RANBP2: variants seen among roughly 807,000 people sequenced by gnomAD.
RANBP2 encodes RAN binding protein 2.
A neutral mutation model predicts 303.6 loss-of-function variants in RANBP2; 57 were observed. The observed-to-expected ratio is 0.19, with a 90% CI of 0.15 to 0.23. The LOEUF (loss-of-function observed/expected upper bound fraction) is 0.23. RANBP2 is among the 10% of genes least tolerant of loss of function. RANBP2 has a pLI of 1.00. For synonymous variants in RANBP2, 1,167 were observed against 1,301.5 expected, an observed-to-expected ratio of 0.90 and a Z score of 2.23; for missense variants, 3,138 against 3,780.8, an observed-to-expected ratio of 0.83 and a Z score of 4.46.
the RANBP2 span, among the ~76,000 whole-genome samples, chr2:108,799,592 A>G: frequency 6.6e-6 from 1 of 152,184 alleles, no homozygotes; most frequent in East Asian, 1.9e-4. Context: ...CAGTTTATTT[A>G]CAGTGTTTCT....
At chr2:108,749,864 A>AT (rs2149213781) in intron 9 of RANBP2, among the ~76,000 whole-genome samples, 1 of 152,178 alleles carries the variant, frequency 6.6e-6, no homozygotes, top group East Asian at 1.9e-4. Context: ...AAGTGTTGGG[A>AT]TTAGGCCTGG....
chr2:108,849,665 A>G, the RANBP2 span, among the ~76,000 whole-genome samples: 2 of 152,168 alleles, frequency 1.3e-5, no homozygotes, highest in Admixed American at 6.5e-5. Flanking sequence ...TGGCCTCAAA[A>G]AAGAAAAAGA....
chr2:109,691,600 T>G, the RANBP2 span, among the ~76,000 whole-genome samples: 1 of 152,024 alleles, frequency 6.6e-6, no homozygotes, highest in African/African-American at 2.4e-5. Flanking sequence ...GTACCTCAGG[T>G]GATCTCCTGG....
At chr2:109,473,838 T>A in the RANBP2 span, among the ~76,000 whole-genome samples, 1 of 152,050 alleles carries the variant, frequency 6.6e-6, no homozygotes, top group African/African-American at 2.4e-5. Context: ...TGTCTCTTTT[T>A]TGGGGTGTCC....
At chr2:108,853,461 C>T in the RANBP2 span, among the ~76,000 whole-genome samples, 1 of 151,296 alleles carries the variant, frequency 6.6e-6, no homozygotes, top group Non-Finnish European at 1.5e-5. Flanking sequence ...CCAATTTAAT[C>T]TAGAAATTGT....
the RANBP2 span, among the ~76,000 whole-genome samples, chr2:109,699,850 C>T: frequency 5.3e-5 from 8 of 152,170 alleles, no homozygotes; most frequent in Admixed American, 3.9e-4. Context: ...TTCAGCTTCT[C>T]GCCCTGTGCT....
At chr2:109,129,393 C>T in the RANBP2 span, 204 of 1,355,682 alleles carry the variant, frequency 1.5e-4, no homozygotes, top group Admixed American at 4.3e-4. Flanking sequence ...TTCGCACCGC[C>T]ACAGCCCTAG....
the RANBP2 span, among the ~76,000 whole-genome samples, chr2:109,404,135 G>A: frequency 6.6e-6 from 1 of 152,304 alleles, no homozygotes; most frequent in Non-Finnish European, 1.5e-5. Flanking sequence ...GGTAAGAAGT[G>A]GGTGTGGCCG....
the RANBP2 span, among the ~76,000 whole-genome samples, chr2:109,269,854 G>A: frequency 2.6e-5 from 4 of 152,202 alleles, no homozygotes; most frequent in Non-Finnish European, 4.4e-5. Context: ...ATGTTCGTGT[G>A]CTCAGGCATT....
chr2:109,615,776 A>T, the RANBP2 span: 1 of 1,612,734 alleles, frequency 6.2e-7, no homozygotes, highest in Non-Finnish European at 8.5e-7. Flanking sequence ...ACAAACTCTC[A>T]CACGCCCTAG....
chr2:109,720,051 C>T, the RANBP2 span, among the ~76,000 whole-genome samples: 1 of 152,118 alleles, frequency 6.6e-6, no homozygotes, highest in African/African-American at 2.4e-5. Context: ...ACTGCCCTTA[C>T]CAGCCAGCTT....
chr2:109,356,319 A>G, the RANBP2 span, among the ~76,000 whole-genome samples: 5 of 152,078 alleles, frequency 3.3e-5, no homozygotes, highest in African/African-American at 1.2e-4. Context: ...TCCCACATTG[A>G]TATTTGAGCC....
chr2:109,736,579 G>A, the RANBP2 span, among the ~76,000 whole-genome samples: 3 of 152,098 alleles, frequency 2.0e-5, no homozygotes, highest in Non-Finnish European at 4.4e-5. Context: ...ACGCAGCAAC[G>A]CCGAAGCAGC....
the RANBP2 span, among the ~76,000 whole-genome samples, chr2:109,266,953 C>G: frequency 1.3e-5 from 2 of 152,134 alleles, no homozygotes; most frequent in Admixed American, 1.3e-4. Flanking sequence ...TTTACAAATA[C>G]GTGTAAGTGG....
the RANBP2 span, among the ~76,000 whole-genome samples, chr2:109,117,786 A>G: frequency 0.95 from 144,119 of 152,274 alleles, 68,589 homozygotes; most frequent in Non-Finnish European, 0.99. Flanking sequence ...GGCTGCTTCC[A>G]CCCAGCATTT....
the RANBP2 span, among the ~76,000 whole-genome samples, chr2:109,417,717 C>T: frequency 6.6e-5 from 10 of 152,288 alleles, no homozygotes; most frequent in East Asian, 1.9e-4. Context: ...TTCTGCCAGG[C>T]GCACTGGGTT....
At chr2:109,569,437 TAAA>T in the RANBP2 span, among the ~76,000 whole-genome samples, 26 of 131,258 alleles carry the variant, frequency 2.0e-4, no homozygotes, top group Admixed American at 9.9e-4. Context: ...AAACTCTTGT[TAAA>T]AAAAAAAAAA....
the RANBP2 span, among the ~76,000 whole-genome samples, chr2:109,742,754 T>C: frequency 6.8e-6 from 1 of 147,218 alleles, no homozygotes; most frequent in Admixed American, 6.8e-5. Context: ...ACTGACACCA[T>C]CTGATTTCAA....
At position 108,785,739 on chromosome 2, in the gene RANBP2, T is replaced by G. The variant is rs569509472; in HGVS notation, c.*1838T>G. On this transcript the variant is annotated 3_prime_UTR_variant, in exon 29 of 29. Transcript: ENST00000283195. ...CTAAACCCACGATAATATGTATCTT[T>G]CCTTTTAAACTGGATTTTATGTTGT... The G allele has an allele frequency of 6.6e-6, 1 of 152,372 alleles. No homozygotes were observed. The highest frequency in any genetic ancestry group is 2.1e-4 in the South Asian group (1 of 4,830). The allele number at this position is 152,372 out of a possible 1,614,324, so 9.4% of individuals were successfully genotyped here.
Sources: gnomAD v4.1 joint callset for allele counts (sites outside exome capture counted in the v4.1 genomes callset) on GRCh38, gnomAD v4.1.1 for gene constraint, MANE v1.5 for transcripts, NCBI Gene and HGNC (gene_info 2026-07-23, HGNC 2026-07-21) for gene names.